Variants in TNNI3K observed in about 807,000 individuals in gnomAD.
TNNI3K encodes serine/threonine-protein kinase TNNI3K.
In TNNI3K, 140 loss-of-function variants were observed where a neutral mutation model predicts 114.5. The ratio of observed to expected loss-of-function variants is 1.22; its 90% CI spans 1.07 to 1.41. TNNI3K has a LOEUF of 1.41. TNNI3K is among the 40% of genes most tolerant of loss of function. The pLI is 0.00. For synonymous variants in TNNI3K, 347 were observed against 347.5 expected (o/e 1.00, Z 0.02); for missense variants, 1,125 against 1,007.6 (o/e 1.12, Z -1.58).
Position 74,236,219 on chromosome 1 carries a change from G to C in TNNI3K, c.149+9G>C. 2 of 1,596,104 alleles carry C rather than the reference G, an allele frequency of 1.3e-6. No homozygotes were observed. Among genetic ancestry groups the C allele is most frequent in the Non-Finnish European group, 1.7e-6 (2 of 1,168,968 alleles). The stretch of plus-strand genomic sequence containing the variant: ...CTAAGGAATATATTTGGGTAAAGTT[G>C]TAAGAGTCATTATTTCTTTGTATAA... On this transcript the variant is annotated intron_variant, in intron 2 of 24. Transcript: ENST00000326637.
At chr1:74,244,843 C>G (rs1167819270) in intron 2 of TNNI3K, among the ~76,000 whole-genome samples, 1 of 151,856 alleles carries the variant, frequency 6.6e-6, no homozygotes, top group East Asian at 1.9e-4. Context: ...TTTACCCTCT[C>G]AAATAAAGTG....
intron 5 of TNNI3K, among the ~76,000 whole-genome samples, chr1:74,300,747 A>C (rs933182497): frequency 6.6e-6 from 1 of 152,210 alleles, no homozygotes; most frequent in African/African-American, 2.4e-5. Context: ...CTGACTGGTT[A>C]AAAGTGTAGG....
intron 7 of TNNI3K, among the ~76,000 whole-genome samples, chr1:74,337,936 A>G (rs1182105166): frequency 6.6e-6 from 1 of 152,110 alleles, no homozygotes; most frequent in Non-Finnish European, 1.5e-5. Context: ...TGGCATATCC[A>G]TTCTTCTCCT....
At chr1:74,245,736 C>G (rs945434340) in intron 2 of TNNI3K, among the ~76,000 whole-genome samples, 27 of 152,268 alleles carry the variant, frequency 1.8e-4, no homozygotes, top group African/African-American at 6.0e-4. Flanking sequence ...GAGAAAGGCT[C>G]TAAATCCAGG....
intron 23 of TNNI3K, among the ~76,000 whole-genome samples, chr1:74,529,830 C>T (rs1369102281): frequency 6.6e-6 from 1 of 152,154 alleles, no homozygotes; most frequent in African/African-American, 2.4e-5. Context: ...TTTGCACATG[C>T]CCCTGCTTTG....
chr1:74,298,880 T>C (rs1210391800), intron 5 of TNNI3K, among the ~76,000 whole-genome samples: 1 of 152,140 alleles, frequency 6.6e-6, no homozygotes, highest in Non-Finnish European at 1.5e-5. Flanking sequence ...TCAATGTATC[T>C]TCTAAAAGTG....
intron 11 of TNNI3K, among the ~76,000 whole-genome samples, chr1:74,354,801 C>T (rs763817110): frequency 1.3e-5 from 2 of 152,064 alleles, no homozygotes; most frequent in Non-Finnish European, 2.9e-5. Flanking sequence ...AGATAATATA[C>T]GCAAATTGCT....
At chr1:74,400,089 G>A (rs1393756755) in intron 17 of TNNI3K, among the ~76,000 whole-genome samples, 2 of 152,180 alleles carry the variant, frequency 1.3e-5, no homozygotes, top group Non-Finnish European at 2.9e-5. Context: ...ATTTGTATAA[G>A]GGCCCTATGC....
intron 5 of TNNI3K, among the ~76,000 whole-genome samples, chr1:74,302,190 A>G (rs757574213): frequency 4.6e-5 from 7 of 152,212 alleles, no homozygotes; most frequent in Non-Finnish European, 7.3e-5. Flanking sequence ...ATGTGTTGCA[A>G]TTGTTTTGGG....
intron 17 of TNNI3K, among the ~76,000 whole-genome samples, chr1:74,397,659 G>A (rs894596793): frequency 2.6e-5 from 4 of 152,196 alleles, no homozygotes; most frequent in African/African-American, 9.7e-5. Context: ...AGATATCAGA[G>A]TGTCAAACTC....
chr1:74,542,363 T>G (rs1646737376), intron 24 of TNNI3K, among the ~76,000 whole-genome samples: 1 of 152,238 alleles, frequency 6.6e-6, no homozygotes, highest in Non-Finnish European at 1.5e-5. Context: ...AGCATCTACC[T>G]ATGCCTGAAA....
chr1:74,400,521 C>G (rs115933102), intron 17 of TNNI3K, among the ~76,000 whole-genome samples: 1,601 of 152,260 alleles, frequency 0.011, 29 homozygotes, highest in African/African-American at 0.037. Flanking sequence ...GTATATCAAT[C>G]GCAACCAAAT....
chr1:74,248,985 A>C (rs1654760114), intron 2 of TNNI3K, among the ~76,000 whole-genome samples: 1 of 152,246 alleles, frequency 6.6e-6, no homozygotes, highest in African/African-American at 2.4e-5. Flanking sequence ...CTTGGCCCCT[A>C]TAATTTCATG....
intron 5 of TNNI3K, among the ~76,000 whole-genome samples, chr1:74,310,163 T>C (rs1210323571): frequency 1.3e-5 from 2 of 152,134 alleles, no homozygotes; most frequent in Non-Finnish European, 2.9e-5. Flanking sequence ...TTAATACTAA[T>C]AATGTTCGAG....
intron 5 of TNNI3K, among the ~76,000 whole-genome samples, chr1:74,302,694 T>G (rs1489139764): frequency 6.6e-6 from 1 of 152,198 alleles, no homozygotes; most frequent in East Asian, 1.9e-4. Flanking sequence ...CCCTAACTCT[T>G]TTCAATTCTA....
At chr1:74,517,277 A>G (rs1646363546) in intron 23 of TNNI3K, among the ~76,000 whole-genome samples, 1 of 152,230 alleles carries the variant, frequency 6.6e-6, no homozygotes, top group East Asian at 1.9e-4. Context: ...CAGGTCAGAT[A>G]GTAAATCAAT....
chr1:74,298,543 T>C (rs774641456), intron 5 of TNNI3K, among the ~76,000 whole-genome samples: 10 of 152,134 alleles, frequency 6.6e-5, no homozygotes, highest in Non-Finnish European at 8.8e-5. Context: ...TCATCCAAAT[T>C]TTGAGCTATC....
chr1:74,402,473 A>G (rs1040362041), intron 17 of TNNI3K, among the ~76,000 whole-genome samples: 2 of 152,214 alleles, frequency 1.3e-5, no homozygotes, highest in Non-Finnish European at 2.9e-5. Flanking sequence ...GTCTTGAACC[A>G]TGGCAAGTTG....
chr1:74,542,008 C>T (rs1291463100), intron 24 of TNNI3K, among the ~76,000 whole-genome samples: 1 of 152,168 alleles, frequency 6.6e-6, no homozygotes, highest in Non-Finnish European at 1.5e-5. Context: ...GACCTTTTAC[C>T]TTAAAGTAAC....
Sources: gnomAD v4.1 joint callset for allele counts (sites outside exome capture counted in the v4.1 genomes callset) on GRCh38, gnomAD v4.1.1 for gene constraint, MANE v1.5 for transcripts, NCBI Gene and HGNC (gene_info 2026-07-23, HGNC 2026-07-21) for gene names.